The following ANHX variants were observed in gnomAD, a reference collection of about 807,000 sequenced individuals.
ANHX encodes the protein anomalous homeobox protein.
In ANHX, 20 loss-of-function variants were observed where a neutral mutation model predicts 38.9. The ratio of observed to expected loss-of-function variants is 0.51; its 90% CI spans 0.36 to 0.75. ANHX has a LOEUF of 0.75. ANHX is among the 30% of genes least tolerant of loss of function. The probability of loss-of-function intolerance (pLI) is 0.00; values close to 1 mark genes in which losing one functional copy is unlikely to be tolerated. For missense variants in ANHX, 475 were observed against 493.1 expected (o/e 0.96, Z 0.35); for synonymous variants, 185 against 203.1 (o/e 0.91, Z 0.76).
intron 3 of ANHX, among the ~76,000 whole-genome samples, chr12:133,231,045 C>T (rs1957266487): frequency 6.6e-6 from 1 of 152,202 alleles, no homozygotes. Flanking sequence ...TCACCCTTAA[C>T]TCTTTGAAAG....
intron 3 of ANHX, among the ~76,000 whole-genome samples, chr12:133,230,277 CATGCCCGTGGGGGGCTA>C (rs1957250457): frequency 1.3e-5 from 2 of 152,232 alleles, no homozygotes; most frequent in African/African-American, 4.8e-5. Flanking sequence ...CAGGTGTCAG[CATGCCCGTGGGGGGCTA>C]CAATCACATC....
chr12:133,222,505 C>G (rs570373670), intron 7 of ANHX, among the ~76,000 whole-genome samples: 2 of 152,292 alleles, frequency 1.3e-5, no homozygotes, highest in East Asian at 3.9e-4. Context: ...TGAGCAGGCT[C>G]CAGGTCTGAA....
chr12:133,235,755 GCC>G (rs1314466469), intron 1 of ANHX, 50 bp downstream of exon 1: 19 of 74,756 alleles, frequency 2.5e-4, no homozygotes, highest in African/African-American at 9.1e-4. Context: ...GGCCCCCCCT[GCC>G]CCCGCGCGTC....
intron 7 of ANHX, among the ~76,000 whole-genome samples, chr12:133,222,879 A>G (rs1186525004): frequency 6.6e-6 from 1 of 152,226 alleles, no homozygotes; most frequent in African/African-American, 2.4e-5. Flanking sequence ...GTAAAGAAGG[A>G]TTGAAATTCT....
At chr12:133,218,997 CAG>C (rs1226128319) in intron 9 of ANHX, 26 bp from the exon 10 acceptor site, 2 of 1,514,294 alleles carry the variant, frequency 1.3e-6, no homozygotes, top group African/African-American at 2.8e-5. Flanking sequence ...GTGGTAAACA[CAG>C]AGGCTTCCTT....
chr12:133,219,354 C>G lies in ANHX; in HGVS notation c.1294G>C (p.Ala432Pro). 2 of 1,532,284 alleles carry G rather than the reference C, an allele frequency of 1.3e-6. No homozygotes were observed. Among genetic ancestry groups the G allele is most frequent in the Non-Finnish European group, 1.7e-6 (2 of 1,145,102 alleles). The allele number at this position is 1,532,284 out of a possible 1,614,324, so 94.9% of individuals were successfully genotyped here. The stretch of plus-strand genomic sequence containing the variant: ...CCGGGGAAGGCAGATGGGGCTGGGG[C>G]CAGCTCTGGAGGGCTGGAAAAGAGA... Reference protein sequence around the residue: ...FILTQSPPELAPAPSAFPGPV... With the variant: ...FILTQSPPELPPAPSAFPGPV... Residue 432 changes from alanine (A) to proline (P), a missense_variant, in exon 9 of 10, where the codon GCC (alanine) becomes CCC (proline). Ala to Pro is a conservative substitution (Grantham distance 27, BLOSUM62 -1). Transcript: ENST00000545940.
rs745417751 is a variant in ANHX, at chr12:133,227,133, G to A, written c.521C>T (p.Thr174Met). Residue 174 changes from threonine to methionine, a missense_variant, in exon 5 of 10, where the codon ACG (threonine) becomes ATG (methionine). By Grantham distance (81) the Thr-to-Met change is moderately conservative. Transcript: ENST00000545940. ...GTACACCTGCTCAGGGGTCAAGCTC[G>A]TCTCCAATGCCAAGTTCTCCTGCCC... ...KAERENLALE[T>M]SLTPEQVYNW... 207 of 1,535,176 alleles carry A rather than the reference G, an allele frequency of 1.3e-4. No individual in the cohort carries two copies. Among genetic ancestry groups the A allele is most frequent in the Admixed American group, 4.1e-4 (21 of 50,890 alleles).
chr12:133,224,737 G>A (rs571804075), intron 7 of ANHX, among the ~76,000 whole-genome samples: 149 of 150,720 alleles, frequency 9.9e-4, no homozygotes, highest in South Asian at 8.4e-4. Flanking sequence ...AGGCCGAGGC[G>A]GGCGGATCAT....
At chr12:133,230,464 G>A (rs1301628969) in intron 3 of ANHX, among the ~76,000 whole-genome samples, 1 of 152,192 alleles carries the variant, frequency 6.6e-6, no homozygotes, top group African/African-American at 2.4e-5. Flanking sequence ...CAGGCCCTGT[G>A]GCTCAGGAAT....
Position 133,218,879 on chromosome 12 carries a change from G to T in ANHX, c.*6C>A. On this transcript the variant is annotated 3_prime_UTR_variant, in exon 10 of 10. Coordinates refer to ENST00000545940, the MANE Select transcript of ANHX (RefSeq NM_001372060.1). ...CCTGGGGTGCTGTCTGGCTCCTGGGGATAGCTCAGCCCAGGCTGCTCCCTG... is the reference window on the plus strand; with the variant it reads ...CCTGGGGTGCTGTCTGGCTCCTGGGTATAGCTCAGCCCAGGCTGCTCCCTG... 6.6e-7 allele frequency: 1 copy of T among 1,505,342 alleles called. No homozygotes were observed. The highest frequency in any genetic ancestry group is 8.9e-7 in the Non-Finnish European group (1 of 1,127,530). The allele number at this position is 1,505,342 out of a possible 1,614,324, so 93.2% of individuals were successfully genotyped here.
At position 133,219,276 on chromosome 12, in the gene ANHX, G is replaced by C; in HGVS notation, c.1365+7C>G. The C allele has an allele frequency of 2.6e-6, 4 of 1,533,856 alleles. No individual in the cohort carries two copies. The highest frequency in any genetic ancestry group is 3.5e-6 in the Non-Finnish European group (4 of 1,145,696). ...GGAATCCTTCAGTGCTCATAGGGAA[G>C]CCTCACCTGGCTGGAGGGCAGGGCC... On this transcript the variant is annotated splice_region_variant and intron_variant, in intron 9 of 9. Coordinates refer to ENST00000545940, the MANE Select transcript of ANHX (RefSeq NM_001372060.1).
chr12:133,227,721 TG>T, intron 4 of ANHX, 102 bp downstream of exon 4: 1 of 1,370,014 alleles, frequency 7.3e-7, no homozygotes, highest in Non-Finnish European at 9.8e-7. Context: ...ACCAGCACCC[TG>T]GCGGATGAGG....
At chr12:133,225,307 GCATA>G (rs201185959) in intron 7 of ANHX, among the ~76,000 whole-genome samples, 1,992 of 147,754 alleles carry the variant, frequency 0.013, 39 homozygotes, top group African/African-American at 0.047. Context: ...TCAGTGATAT[GCATA>G]CATACACACA....
Position 133,231,816 on chromosome 12 carries a change from C to A in ANHX, c.250-172G>T, listed in dbSNP as rs146670248. Among the ~76,000 whole-genome samples, 291 of 152,330 alleles carry A rather than the reference C, an allele frequency of 1.9e-3. 1 individual carries two copies. The highest frequency in any genetic ancestry group is 6.7e-3 in the African/African-American group (280 of 41,574). Reference sequence around the variant, plus strand: ...AAAGTGCCAGTGTGGCCACACAATGCAGGCATGAGTCAGATGGCCCCCGCT... The same window carrying A: ...AAAGTGCCAGTGTGGCCACACAATGAAGGCATGAGTCAGATGGCCCCCGCT... On this transcript the variant is annotated intron_variant, in intron 2 of 9. Transcript: ENST00000545940.
chr12:133,233,073 C>T (rs1466770129), intron 2 of ANHX, among the ~76,000 whole-genome samples: 3 of 152,156 alleles, frequency 2.0e-5, no homozygotes, highest in African/African-American at 7.2e-5. Context: ...GAGAGCCAGG[C>T]GCCAGCCTCT....
chr12:133,220,071 TC>T (rs202246976), intron 8 of ANHX, among the ~76,000 whole-genome samples: 1,564 of 152,190 alleles, frequency 0.01, 16 homozygotes, highest in African/African-American at 0.035. Flanking sequence ...CAGAAGCAGA[TC>T]CATGGTCCTG....
chr12:133,223,854 C>A (rs183536329), intron 7 of ANHX, among the ~76,000 whole-genome samples: 8 of 151,568 alleles, frequency 5.3e-5, no homozygotes, highest in South Asian at 4.2e-4. Flanking sequence ...CCCACCCCCC[C>A]AAAAAATAAG....
At chr12:133,231,937 T>G (rs1398955970) in intron 2 of ANHX, among the ~76,000 whole-genome samples, 2 of 152,128 alleles carry the variant, frequency 1.3e-5, no homozygotes, top group East Asian at 3.9e-4. Context: ...AATGGGCCCC[T>G]TCCTTTAAAC....
intron 1 of ANHX, chr12:133,235,309 G>A (rs1452364648): frequency 6.6e-6 from 1 of 152,214 alleles, no homozygotes; most frequent in Non-Finnish European, 1.5e-5. Flanking sequence ...GGCTCTGGGA[G>A]GGGCGGGGTT....
Sources: allele counts gnomAD v4.1 joint callset (sites outside exome capture counted in the v4.1 genomes callset), GRCh38; gene constraint gnomAD v4.1.1; transcripts MANE v1.5; gene names NCBI Gene and HGNC (gene_info 2026-07-23, HGNC 2026-07-21).